NTS: variants seen among roughly 807,000 people sequenced by gnomAD.
The protein encoded by NTS is neurotensin.
A neutral mutation model predicts 19.5 loss-of-function variants in NTS; 20 were observed. The ratio of observed to expected loss-of-function variants is 1.02; its 90% CI spans 0.72 to 1.49. NTS has a LOEUF of 1.49. NTS is among the 40% of genes most tolerant of loss of function. The pLI, the probability that NTS is intolerant of heterozygous loss-of-function variation, is 0.00. For synonymous variants in NTS, 71 were observed against 63.3 expected, an observed-to-expected ratio of 1.12 and a Z score of -0.58; for missense variants, 215 against 193.1, an observed-to-expected ratio of 1.11 and a Z score of -0.67.
rs1341473750 is a variant in NTS at position 85,879,768 on chromosome 12, TATAAAATATATTTTTTGTATATTTTTGTA to T, written c.360+1200_360+1228del. ...AATATATTTTTTGTATATTTTTGTA[TATAAAATATATTTTTTGTATATTTTTGTA>T]TATAAAATATATTTTTATGTATATT... On this transcript the variant is annotated intron_variant, in intron 3 of 3. Coordinates refer to ENST00000256010, the MANE Select transcript of NTS (RefSeq NM_006183.5). 1.1e-3 allele frequency among the ~76,000 whole-genome samples: 153 copies of T among 139,632 alleles called. 3 individuals carry two copies. Among genetic ancestry groups the T allele is most frequent in the Non-Finnish European group, 1.6e-3 (103 of 64,718 alleles). The allele number at this position is 139,632 out of a possible 152,430, so 91.6% of individuals were successfully genotyped here.
chr12:85,874,936 G>C (rs1047586886), intron 1 of NTS, among the ~76,000 whole-genome samples: 1 of 152,082 alleles, frequency 6.6e-6, no homozygotes, highest in Non-Finnish European at 1.5e-5. Flanking sequence ...TCTTGTTTGT[G>C]TTAAGATAAC....
chr12:85,878,140 T>C (rs1383143514), intron 2 of NTS: 5 of 450,982 alleles, frequency 1.1e-5, no homozygotes, highest in Non-Finnish European at 2.0e-5. Context: ...TATGTGAATA[T>C]AACTATTGCA....
rs893381480 is a variant in NTS at position 85,882,576 on chromosome 12, G to A, written c.*201G>A. ...CTAAATCTTCAGCATGATGTGTTGT[G>A]TATAATTGGAGTAGATATTAATTAA... On this transcript the variant is annotated 3_prime_UTR_variant, in exon 4 of 4. Transcript: ENST00000256010. 3 of 453,832 alleles carry A rather than the reference G, an allele frequency of 6.6e-6. No homozygotes were observed. The highest frequency in any genetic ancestry group is 1.2e-5 in the Non-Finnish European group (3 of 259,378). The allele number at this position is 453,832 out of a possible 1,614,324, so 28.1% of individuals were successfully genotyped here.
intron 1 of NTS, among the ~76,000 whole-genome samples, chr12:85,875,844 T>C (rs1274613647): frequency 6.6e-6 from 1 of 152,018 alleles, no homozygotes; most frequent in Non-Finnish European, 1.5e-5. Context: ...AATTGTGGCA[T>C]TTCTTTTTAC....
In NTS at chr12:85,882,194, G is replaced by T. The variant is rs773340360; in HGVS notation, c.361-29G>T. The T allele has an allele frequency of 2.6e-6, 4 of 1,529,952 alleles. No homozygotes were observed. The East Asian group carries it at 6.9e-5, about 26-fold the overall frequency. 94.8% of individuals were successfully genotyped at this position (1,529,952 alleles called of 1,614,324 possible). A position where few individuals can be genotyped will look rare whatever the true frequency, so the allele number is the denominator to read the frequency against. ...GAAACAAAAGAGTTTATTCATGTAA[G>T]TTTCACTTATTTTATCTCTATCTTG... is the stretch of plus-strand genomic sequence containing the variant. On this transcript the variant is annotated intron_variant, in intron 3 of 3. Transcript: ENST00000256010.
In NTS at chr12:85,878,375, A is replaced by T. The variant is rs780920458; in HGVS notation, c.166A>T (p.Met56Leu). The T allele has an allele frequency of 6.2e-7, 1 of 1,610,252 alleles. No homozygotes were observed. The highest frequency in any genetic ancestry group is 1.1e-5 in the South Asian group (1 of 90,518). The change falls in exon 3 of 4, where the codon ATG (methionine) becomes TTG (leucine). Residue 56 changes from methionine to leucine, a missense_variant. Coordinates refer to ENST00000256010, the MANE Select transcript of NTS (RefSeq NM_006183.5). ...TAAAGCACATGTTCCCTCTTGGAAG[A>T]TGACTCTGCTAAATGTTTGCAGTCT... ...ISKAHVPSWK[M>L]TLLNVCSLVN...
chr12:85,877,715 C>T (rs1340072409), intron 2 of NTS, among the ~76,000 whole-genome samples: 9 of 152,056 alleles, frequency 5.9e-5, no homozygotes, highest in Non-Finnish European at 1.3e-4. Flanking sequence ...TTGTTTAGTA[C>T]TCAATCAGAA....
chr12:85,874,574 G>C, intron 1 of NTS, 98 bp downstream of exon 1: 1 of 760,320 alleles, frequency 1.3e-6, no homozygotes, highest in Non-Finnish European at 2.3e-6. Context: ...GAGAAGAGTT[G>C]CTCCCTTTTA....
intron 1 of NTS, among the ~76,000 whole-genome samples, chr12:85,874,892 C>T (rs1881304247): frequency 6.6e-6 from 1 of 152,154 alleles, no homozygotes; most frequent in African/African-American, 2.4e-5. Flanking sequence ...GAAGCGGTGG[C>T]CCTCACGCCC....
intron 3 of NTS, among the ~76,000 whole-genome samples, chr12:85,881,565 C>T (rs1465588461): frequency 6.6e-6 from 1 of 152,076 alleles, no homozygotes; most frequent in Non-Finnish European, 1.5e-5. Flanking sequence ...GTGCTTAACT[C>T]CCTTAAGTTA....
intron 1 of NTS, among the ~76,000 whole-genome samples, 154 bp from the exon 2 acceptor site, chr12:85,876,486 C>A (rs1881346821): frequency 6.6e-6 from 1 of 151,630 alleles, no homozygotes; most frequent in Non-Finnish European, 1.5e-5. Flanking sequence ...TAAAGTATAA[C>A]TATAATTTGT....
Position 85,878,493 on chromosome 12 carries a change from G to T in NTS, c.284G>T (p.Gly95Val). 1.2e-6 allele frequency: 2 copies of T among 1,613,884 alleles called. No homozygotes were observed. The highest frequency in any genetic ancestry group is 1.7e-6 in the Non-Finnish European group (2 of 1,179,904). ...ARRKLPTALD[G>V]FSLEAMLTIY... is the part of the protein sequence containing the mutation. ...AGGAAACTTCCTACTGCTTTAGATG[G>T]CTTTAGCTTGGAAGCAATGTTGACA... Residue 95 changes from glycine to valine, a missense_variant, in exon 3 of 4, where the codon GGC becomes GTC. Coordinates refer to ENST00000256010, the MANE Select transcript of NTS (RefSeq NM_006183.5).
At chr12:85,877,401 CTTTT>C (rs55824815) in intron 2 of NTS, among the ~76,000 whole-genome samples, 3 of 135,746 alleles carry the variant, frequency 2.2e-5, no homozygotes, top group East Asian at 2.3e-4. Context: ...TTTACATGTT[CTTTT>C]TTTTTTTTTT....
chr12:85,877,358 G>T (rs906168729), intron 2 of NTS, among the ~76,000 whole-genome samples: 2 of 150,362 alleles, frequency 1.3e-5, no homozygotes, highest in Non-Finnish European at 3.0e-5. Flanking sequence ...TGTATGTCTG[G>T]ATTTAAATTC....
At position 85,878,266 on chromosome 12, in the gene NTS, T is replaced by C. The variant is rs1269771242; in HGVS notation, c.136-79T>C. 3 of 983,978 alleles carry C rather than the reference T, an allele frequency of 3.0e-6. No individual in the cohort carries two copies. The African/African-American group carries it at 4.9e-5, about 16-fold the overall frequency. The allele number at this position is 983,978 out of a possible 1,614,324, so 61.0% of individuals were successfully genotyped here. Reference sequence around the variant, plus strand: ...AGTAGCAATTAGACCCTAAATGTGATGGTTTAGCACACTAGGAATTCATTT... The same window carrying C: ...AGTAGCAATTAGACCCTAAATGTGACGGTTTAGCACACTAGGAATTCATTT... On this transcript the variant is annotated intron_variant, in intron 2 of 3. Coordinates refer to ENST00000256010, the MANE Select transcript of NTS (RefSeq NM_006183.5).
chr12:85,878,908 T>C (rs1371172689), intron 3 of NTS, among the ~76,000 whole-genome samples: 1 of 151,912 alleles, frequency 6.6e-6, no homozygotes, highest in Non-Finnish European at 1.5e-5. Flanking sequence ...CAACTCAAAA[T>C]GTTGTCTTAG....
At position 85,878,378 on chromosome 12, in the gene NTS, A is replaced by G; in HGVS notation, c.169A>G (p.Thr57Ala). ...AGCACATGTTCCCTCTTGGAAGATGACTCTGCTAAATGTTTGCAGTCTTGT... is the reference window on the plus strand; with the variant it reads ...AGCACATGTTCCCTCTTGGAAGATGGCTCTGCTAAATGTTTGCAGTCTTGT... Reference protein sequence around the residue: ...SKAHVPSWKMTLLNVCSLVNN... With the variant: ...SKAHVPSWKMALLNVCSLVNN... The change falls in exon 3 of 4, where the codon ACT becomes GCT. Residue 57 changes from threonine (T) to alanine (A), a missense_variant. Coordinates refer to ENST00000256010, the MANE Select transcript of NTS (RefSeq NM_006183.5). 6.2e-7 allele frequency: 1 copy of G among 1,610,236 alleles called. No individual in the cohort carries two copies. Among genetic ancestry groups the G allele is most frequent in the Non-Finnish European group, 8.5e-7 (1 of 1,177,632 alleles).
chr12:85,875,289 C>G (rs887574751), intron 1 of NTS, among the ~76,000 whole-genome samples: 1 of 152,002 alleles, frequency 6.6e-6, no homozygotes, highest in African/African-American at 2.4e-5. Flanking sequence ...ACAACCATTG[C>G]AAAAGGCTCT....
chr12:85,877,401 CTT>C (rs55824815), intron 2 of NTS, among the ~76,000 whole-genome samples: 2,604 of 135,628 alleles, frequency 0.019, 65 homozygotes, highest in African/African-American at 0.062. Flanking sequence ...TTTACATGTT[CTT>C]TTTTTTTTTT....
Sources: allele counts gnomAD v4.1 joint callset (sites outside exome capture counted in the v4.1 genomes callset), GRCh38; gene constraint gnomAD v4.1.1; transcripts MANE v1.5; gene names NCBI Gene and HGNC (gene_info 2026-07-23, HGNC 2026-07-21).